FGGY: variants seen among roughly 807,000 people sequenced by gnomAD.
FGGY encodes FGGY carbohydrate kinase domain-containing protein.
Under a neutral mutation model 71.3 loss-of-function variants are expected in FGGY, and 72 were observed. That is an observed-to-expected ratio of 1.01 (90% CI 0.84 to 1.23). The LOEUF (loss-of-function observed/expected upper bound fraction) is 1.23. Among genes scored for constraint, FGGY ranks in the 50% most tolerant of loss-of-function variants. The pLI, the probability that FGGY is intolerant of heterozygous loss-of-function variation, is 0.00. For synonymous variants in FGGY, 251 were observed against 250.3 expected (o/e 1.00, Z -0.02); for missense variants, 668 against 682.3 (o/e 0.98, Z 0.23).
chr1:59,684,923 A>G (rs1050030655), intron 14 of FGGY, among the ~76,000 whole-genome samples: 1 of 152,236 alleles, frequency 6.6e-6, no homozygotes, highest in African/African-American at 2.4e-5. Flanking sequence ...AAGTACTATT[A>G]TCATTCCCTG....
intron 14 of FGGY, among the ~76,000 whole-genome samples, chr1:59,704,421 A>T (rs1046958446): frequency 1.3e-5 from 2 of 152,200 alleles, no homozygotes; most frequent in African/African-American, 4.8e-5. Context: ...TCCTGATCCC[A>T]AAAGTAATCA....
intron 5 of FGGY, among the ~76,000 whole-genome samples, chr1:59,379,331 A>C (rs375725009): frequency 6.6e-6 from 1 of 152,176 alleles, no homozygotes; most frequent in Non-Finnish European, 1.5e-5. Flanking sequence ...GCTGTATGGT[A>C]TAGCCTATTG....
rs542503047 is a variant in FGGY, at chr1:59,519,371, T to C, written c.799+6932T>C. On this transcript the variant is annotated intron_variant, in intron 7 of 15. Coordinates refer to ENST00000303721, the MANE Select transcript of FGGY (RefSeq NM_018291.5). ...AGTGGACTTCTGGGAATTTGTATTC[T>C]AGTAAAGAAAATAGACAAGTAAATA... Among the ~76,000 whole-genome samples, 46 of 152,340 alleles carry C rather than the reference T, an allele frequency of 3.0e-4. No homozygotes were observed. The South Asian group carries it at 9.1e-3, about 30-fold the overall frequency.
At chr1:59,759,809 G>A (rs2098327204) in intron 15 of FGGY, among the ~76,000 whole-genome samples, 1 of 152,200 alleles carries the variant, frequency 6.6e-6, no homozygotes, top group African/African-American at 2.4e-5. Flanking sequence ...TTGAAGAGAG[G>A]GGATTCAGCT....
chr1:59,562,033 T>A (rs2095800188), intron 8 of FGGY, among the ~76,000 whole-genome samples: 2 of 152,208 alleles, frequency 1.3e-5, no homozygotes, highest in African/African-American at 4.8e-5. Context: ...GAACTGTAGC[T>A]CTCACACACC....
chr1:59,590,986 AG>A (rs1246740045), intron 8 of FGGY, among the ~76,000 whole-genome samples: 4 of 152,214 alleles, frequency 2.6e-5, no homozygotes, highest in Admixed American at 2.0e-4. Flanking sequence ...TTAGGAAAAG[AG>A]GAAGTCAAAT....
At chr1:59,645,878 GCTT>G (rs1439674434) in intron 11 of FGGY, among the ~76,000 whole-genome samples, 5 of 152,324 alleles carry the variant, frequency 3.3e-5, no homozygotes, top group Admixed American at 3.3e-4. Context: ...GTGATTTTCT[GCTT>G]CTTTGAAGAG....
intron 6 of FGGY, among the ~76,000 whole-genome samples, chr1:59,488,791 GT>G (rs2093734727): frequency 6.6e-6 from 1 of 151,656 alleles, no homozygotes; most frequent in South Asian, 2.1e-4. Context: ...AGCATTTTAT[GT>G]TATTCCTTAG....
intron 5 of FGGY, among the ~76,000 whole-genome samples, chr1:59,416,873 A>G (rs924317350): frequency 1.3e-5 from 2 of 152,202 alleles, no homozygotes; most frequent in Admixed American, 1.3e-4. Context: ...GAAGCAGGGA[A>G]AGTGGAAAAC....
chr1:59,703,250 T>C (rs2097725371), intron 14 of FGGY, among the ~76,000 whole-genome samples: 1 of 152,180 alleles, frequency 6.6e-6, no homozygotes, highest in South Asian at 2.1e-4. Flanking sequence ...GATACAGGGG[T>C]AAATAGGATA....
chr1:59,581,719 T>C (rs2439469), intron 8 of FGGY, among the ~76,000 whole-genome samples: 55,157 of 149,254 alleles, frequency 0.37, 13,600 homozygotes, highest in African/African-American at 0.61. Flanking sequence ...TTATTTAATC[T>C]TTATAGTGAC....
At chr1:59,748,839 T>G (rs1364183716) in intron 14 of FGGY, among the ~76,000 whole-genome samples, 1 of 152,134 alleles carries the variant, frequency 6.6e-6, no homozygotes, top group Non-Finnish European at 1.5e-5. Context: ...ATGAGATGAC[T>G]GATGGCTGAG....
rs867268703 is a variant in FGGY at position 59,607,721 on chromosome 1, G to C, written c.904-82G>C. 6 of 1,051,036 alleles carry C rather than the reference G, an allele frequency of 5.7e-6. No homozygotes were observed. In the South Asian group the frequency reaches 7.8e-5, roughly 14 times the overall value. The allele number at this position is 1,051,036 out of a possible 1,614,324, so 65.1% of individuals were successfully genotyped here. A position where few individuals can be genotyped will look rare whatever the true frequency, so the allele number is the denominator to read the frequency against. On this transcript the variant is annotated intron_variant, in intron 8 of 15. Transcript: ENST00000303721. ...CATTCAATAAGAAGCTGAATTCCATGGTCATAGAAATATTAGGAGGAGAAC... is the reference window on the plus strand; with the variant it reads ...CATTCAATAAGAAGCTGAATTCCATCGTCATAGAAATATTAGGAGGAGAAC...
At chr1:59,608,717 C>A (rs1041502480) in intron 9 of FGGY, among the ~76,000 whole-genome samples, 9 of 152,122 alleles carry the variant, frequency 5.9e-5, no homozygotes, top group Non-Finnish European at 1.3e-4. Context: ...CCTGTAATCT[C>A]AGCTACTCAG....
At chr1:59,529,485 A>G (rs1001776739) in intron 7 of FGGY, among the ~76,000 whole-genome samples, 5 of 152,222 alleles carry the variant, frequency 3.3e-5, no homozygotes, top group African/African-American at 4.8e-5. Context: ...ACTGGAAGCA[A>G]TGAAACGTAG....
In FGGY at chr1:59,351,033, A is replaced by G. The variant is rs529529667; in HGVS notation, c.465+4635A>G. On this transcript the variant is annotated intron_variant, in intron 4 of 15. Transcript: ENST00000303721. ...CTTGAGAAAATGTAAATGGTTTTAC[A>G]TTTTCAAGTGGTTAAGAAAGAATCA... Among the ~76,000 whole-genome samples, 6 of 152,330 alleles carry G rather than the reference A, an allele frequency of 3.9e-5. No individual in the cohort carries two copies. The East Asian group carries it at 1.2e-3, about 29-fold the overall frequency.
rs567193896 is a variant in FGGY, at chr1:59,436,477, G to GCC, written c.555-20481_555-20480dup. Reference sequence around the variant, plus strand: ...GTCTTTTCTGGCTTTTCTGCCCATGGCCCCTACAACAACAGCATGTTCATC... The same window carrying GCC: ...GTCTTTTCTGGCTTTTCTGCCCATGGCCCCCCTACAACAACAGCATGTTCATC... On this transcript the variant is annotated intron_variant, in intron 5 of 15. Coordinates refer to ENST00000303721, the MANE Select transcript of FGGY (RefSeq NM_018291.5). Among the ~76,000 whole-genome samples the GCC allele has an allele frequency of 6.6e-4, 101 of 152,162 alleles. 1 individual carries two copies. The highest frequency in any genetic ancestry group is 2.4e-3 in the African/African-American group (99 of 41,488).
At chr1:59,676,529 T>C (rs2097437380) in intron 14 of FGGY, among the ~76,000 whole-genome samples, 1 of 151,558 alleles carries the variant, frequency 6.6e-6, no homozygotes, top group Non-Finnish European at 1.5e-5. Context: ...TTCATTGATA[T>C]CTTATTCAAA....
chr1:59,601,453 A>G (rs984316889), intron 8 of FGGY, among the ~76,000 whole-genome samples: 2 of 152,210 alleles, frequency 1.3e-5, no homozygotes, highest in African/African-American at 4.8e-5. Context: ...ATAGACAAAA[A>G]GAGAGGCAGG....
Sources: allele counts gnomAD v4.1 joint callset (sites outside exome capture counted in the v4.1 genomes callset), GRCh38; gene constraint gnomAD v4.1.1; transcripts MANE v1.5; gene names NCBI Gene and HGNC (gene_info 2026-07-23, HGNC 2026-07-21).